The following SMARCD2 variants were observed in gnomAD, a reference collection of about 807,000 sequenced individuals.
SMARCD2 encodes the protein SWI/SNF related BAF chromatin remodeling complex subunit D2.
In SMARCD2, 39 loss-of-function variants were observed where a neutral mutation model predicts 70.4. That is an observed-to-expected ratio of 0.55 (90% confidence interval 0.43 to 0.72). The LOEUF is 0.72. SMARCD2 is among the 30% of genes least tolerant of loss of function. SMARCD2 has a pLI of 0.00. For synonymous variants in SMARCD2, 249 were observed against 279.4 expected, an observed-to-expected ratio of 0.89 and a Z score of 1.08; for missense variants, 540 against 713.4, an observed-to-expected ratio of 0.76 and a Z score of 2.77.
At position 63,832,227 on chromosome 17, in the gene SMARCD2, C is replaced by T; in HGVS notation, c.*711G>A. 2 of 548,960 alleles carry T rather than the reference C, an allele frequency of 3.6e-6. No individual in the cohort carries two copies. Among genetic ancestry groups the T allele is most frequent in the South Asian group, 4.1e-5 (2 of 49,352 alleles). The allele number at this position is 548,960 out of a possible 1,614,324, so 34.0% of individuals were successfully genotyped here. Reference sequence around the variant, plus strand: ...TTCACCTTACCCTGGCCTCCACATGCACATACCCCATACCTCAGGCCATGC... The same window carrying T: ...TTCACCTTACCCTGGCCTCCACATGTACATACCCCATACCTCAGGCCATGC... On this transcript the variant is annotated 3_prime_UTR_variant, in exon 13 of 13. Coordinates refer to ENST00000448276, the MANE Select transcript of SMARCD2 (RefSeq NM_001098426.2).
Position 63,842,510 on chromosome 17 carries a change from C to A in SMARCD2, c.165G>T (p.Gly55=). The A allele has an allele frequency of 8.1e-7, 1 of 1,230,056 alleles. No homozygotes were observed. The highest frequency in any genetic ancestry group is 1.0e-6 in the Non-Finnish European group (1 of 988,656). The allele number at this position is 1,230,056 out of a possible 1,614,324, so 76.2% of individuals were successfully genotyped here. ...GGCCCATGGGGCGGAAGGCGGCGGC[C>A]CCGGGGCCCCCCACGCCTCCTGCCG... ...PGPAGGVGGP[G]AAAFRPMGPA... is the part of the protein sequence containing the mutation. Residue 55 remains glycine, a synonymous_variant, in exon 1 of 13, where the codon GGG becomes GGT. Coordinates refer to ENST00000448276, the MANE Select transcript of SMARCD2 (RefSeq NM_001098426.2).
Position 63,842,556 on chromosome 17 carries a change from G to A in SMARCD2, c.119C>T (p.Pro40Leu), listed in dbSNP as rs1289114980. Residue 40 changes from proline to leucine, a missense_variant, in exon 1 of 13, where the codon CCG becomes CTG. Pro to Leu is a moderately conservative substitution (Grantham distance 98, BLOSUM62 -3). Transcript: ENST00000448276. ...PPAGPGMLPG[P>L]ALRGPGPAGG... ...TGCCGGACCCGGTCCCCGGAGCGCCGGTCCGGGCAGCATGCCGGGTCCCGC... is the reference window on the plus strand; with the variant it reads ...TGCCGGACCCGGTCCCCGGAGCGCCAGTCCGGGCAGCATGCCGGGTCCCGC... 9 of 1,205,138 alleles carry A rather than the reference G, an allele frequency of 7.5e-6. No individual in the cohort carries two copies. Among genetic ancestry groups the A allele is most frequent in the South Asian group, 4.1e-5 (1 of 24,432 alleles). The allele number at this position is 1,205,138 out of a possible 1,614,324, so 74.7% of individuals were successfully genotyped here. A position where few individuals can be genotyped will look rare whatever the true frequency, so the allele number is the denominator to read the frequency against.
At position 63,832,825 on chromosome 17, in the gene SMARCD2, G is replaced by C. The variant is rs1442212211; in HGVS notation, c.*113C>G. ...TTTATAAGACTAAAGCTGGAGAGTA[G>C]AGGGTGACAGCAGACACTCCTCACC... On this transcript the variant is annotated 3_prime_UTR_variant, in exon 13 of 13. Coordinates refer to ENST00000448276, the MANE Select transcript of SMARCD2 (RefSeq NM_001098426.2). 1.2e-6 allele frequency: 1 copy of C among 831,700 alleles called. No homozygotes were observed. The highest frequency in any genetic ancestry group is 2.0e-6 in the Non-Finnish European group (1 of 494,750). 51.5% of individuals were successfully genotyped at this position (831,700 alleles called of 1,614,324 possible). A position where few individuals can be genotyped will look rare whatever the true frequency, so the allele number is the denominator to read the frequency against.
chr17:63,833,964 T>C lies in SMARCD2; in HGVS notation c.1126A>G (p.Lys376Glu). ...GRLRFSEIPM[K>E]LAGLLQHPDP... ...GGATGCTGCAGCAACCCTGCCAGCT[T>C]CATGGGAATCTCGGAGAAACGGAGT... is the stretch of plus-strand genomic sequence containing the variant. The change falls in exon 9 of 13, where the codon AAG (lysine) becomes GAG (glutamate). Residue 376 changes from lysine to glutamate, a missense_variant. Transcript: ENST00000448276. The surrounding 1 kb of genome is among the most constrained non-coding windows in gnomAD (Gnocchi z 4.3). 6.2e-7 allele frequency: 1 copy of C among 1,613,994 alleles called. No individual in the cohort carries two copies.
In SMARCD2 at chr17:63,834,901, C is replaced by T. The variant is rs2665832; in HGVS notation, c.724-101G>A. 532,351 of 825,854 alleles carry T rather than the reference C, an allele frequency of 0.64. 174,836 individuals are homozygous for T. Among genetic ancestry groups the T allele is most frequent in the African/African-American group, 0.9 (53,267 of 59,090 alleles). 51.2% of individuals were successfully genotyped at this position (825,854 alleles called of 1,614,324 possible). A position where few individuals can be genotyped will look rare whatever the true frequency, so the allele number is the denominator to read the frequency against. On this transcript the variant is annotated intron_variant, in intron 5 of 12. Coordinates refer to ENST00000448276, the MANE Select transcript of SMARCD2 (RefSeq NM_001098426.2). The surrounding 1 kb of genome is among the most constrained non-coding windows in gnomAD (Gnocchi z 5.6). ...AAGCCCCATTTCAGCCCTGGAGCTC[C>T]GGATACTGAAGATTCCTGGGCCCTG...
In SMARCD2 at chr17:63,832,557, C is replaced by T. The variant is rs2040205320; in HGVS notation, c.*381G>A. ...AGGCTAGGAAGAGTCTGGGCTGCAC[C>T]TCCTCTTCCTAGCCCAGCTCCCCAG... On this transcript the variant is annotated 3_prime_UTR_variant, in exon 13 of 13. Transcript: ENST00000448276. 3.2e-6 allele frequency: 1 copy of T among 310,466 alleles called. No individual in the cohort carries two copies. The highest frequency in any genetic ancestry group is 2.1e-5 in the African/African-American group (1 of 46,990). The allele number at this position is 310,466 out of a possible 1,614,324, so 19.2% of individuals were successfully genotyped here.
In SMARCD2 at chr17:63,837,661, G is replaced by A; in HGVS notation, c.217-36C>T. ...TGAGCCAACGGGGGTGCATAGGTCA[G>A]GGGCAAGGCCCTCCGGGACCCATAG... On this transcript the variant is annotated intron_variant, in intron 1 of 12. Transcript: ENST00000448276. The surrounding 1 kb of genome is among the most constrained non-coding windows in gnomAD (Gnocchi z 6.4). The A allele has an allele frequency of 6.3e-7, 1 of 1,581,370 alleles. No individual in the cohort carries two copies. Among genetic ancestry groups the A allele is most frequent in the Non-Finnish European group, 8.6e-7 (1 of 1,158,008 alleles).
chr17:63,839,298 G>C (rs1189404850), intron 1 of SMARCD2: 7 of 945,630 alleles, frequency 7.4e-6, no homozygotes. Context: ...GGGCCCTGTG[G>C]TCCCCAGGAA....
chr17:63,833,893 C>A lies in SMARCD2; in HGVS notation c.1181+16G>T. 1 of 1,584,890 alleles carries A rather than the reference C, an allele frequency of 6.3e-7. No individual in the cohort carries two copies. On this transcript the variant is annotated intron_variant, in intron 9 of 12. Coordinates refer to ENST00000448276, the MANE Select transcript of SMARCD2 (RefSeq NM_001098426.2). The surrounding 1 kb of genome is among the most constrained non-coding windows in gnomAD (Gnocchi z 4.3). ...TGCTCTTAGAAGAGCCTTCCTGTCC[C>A]CCTCCTTGCATTTACCTAATGACAT...
intron 5 of SMARCD2, chr17:63,835,155 ACT>A (rs571774513): frequency 4.0e-4 from 216 of 537,302 alleles, no homozygotes; most frequent in African/African-American, 3.8e-3. Flanking sequence ...ACACAATCTC[ACT>A]CTGTCACCCA....
At chr17:63,842,387 C>G in intron 1 of SMARCD2, 72 bp downstream of exon 1, 1 of 1,263,000 alleles carries the variant, frequency 7.9e-7, no homozygotes, top group Non-Finnish European at 1.0e-6. Context: ...TCACTCGAGG[C>G]CCCTTCAGCC....
At chr17:63,839,372 G>GGC (rs1904351589) in intron 1 of SMARCD2, 1 of 258,302 alleles carries the variant, frequency 3.9e-6, no homozygotes, top group Non-Finnish European at 6.1e-6. Context: ...AGGTGCTCCG[G>GGC]TAACAGGAAG....
intron 1 of SMARCD2, among the ~76,000 whole-genome samples, chr17:63,842,009 A>G (rs1904481999): frequency 6.6e-6 from 1 of 152,182 alleles, no homozygotes; most frequent in Non-Finnish European, 1.5e-5. Context: ...CATCTCAGAC[A>G]CGCTAGAGCT....
chr17:63,835,799 C>T (rs960412892), intron 4 of SMARCD2: 2 of 367,950 alleles, frequency 5.4e-6, no homozygotes, highest in Admixed American at 4.7e-5. Flanking sequence ...GCGATCTCAG[C>T]TCACTTGCAA....
chr17:63,838,127 A>C (rs1054041897), intron 1 of SMARCD2, among the ~76,000 whole-genome samples: 16 of 152,164 alleles, frequency 1.1e-4, no homozygotes, highest in Non-Finnish European at 2.9e-5. Flanking sequence ...CAGAGCCCCA[A>C]TCCCCATCCT....
rs2144628288 is a variant in SMARCD2 at position 63,834,601 on chromosome 17, T to C, written c.820-26A>G. The C allele has an allele frequency of 6.3e-7, 1 of 1,583,370 alleles. No individual in the cohort carries two copies. Among genetic ancestry groups the C allele is most frequent in the Non-Finnish European group, 8.7e-7 (1 of 1,155,678 alleles). On this transcript the variant is annotated intron_variant, in intron 6 of 12. Coordinates refer to ENST00000448276, the MANE Select transcript of SMARCD2 (RefSeq NM_001098426.2). The surrounding 1 kb of genome is among the most constrained non-coding windows in gnomAD (Gnocchi z 5.6). ...CTGGCAGGGAGGGAAGCATGGCTTATCACCAAGGGGGTGGGCGTGAACACA... is the reference window on the plus strand; with the variant it reads ...CTGGCAGGGAGGGAAGCATGGCTTACCACCAAGGGGGTGGGCGTGAACACA...
intron 1 of SMARCD2, chr17:63,838,847 A>G: frequency 8.0e-7 from 1 of 1,248,530 alleles, no homozygotes; most frequent in Non-Finnish European, 1.0e-6. Flanking sequence ...CCCCCACCCC[A>G]GCATCATGGA....
At position 63,833,924 on chromosome 17, in the gene SMARCD2, A is replaced by C; in HGVS notation, c.1166T>G (p.Ile389Ser). The C allele has an allele frequency of 6.2e-7, 1 of 1,612,200 alleles. No homozygotes were observed. Among genetic ancestry groups the C allele is most frequent in the Non-Finnish European group, 8.5e-7 (1 of 1,178,218 alleles). ...TTGCATTTACCTAATGACATGGTTGATGACAATGGGGTCTGGATGCTGCAG... is the reference window on the plus strand; with the variant it reads ...TTGCATTTACCTAATGACATGGTTGCTGACAATGGGGTCTGGATGCTGCAG... ...GLLQHPDPIV[I>S]NHVISVDPND... The change falls in exon 9 of 13, where the codon ATC becomes AGC. Residue 389 changes from isoleucine (I) to serine (S), a missense_variant. Physicochemically the swap from Ile to Ser is moderately radical, Grantham distance 142. Coordinates refer to ENST00000448276, the MANE Select transcript of SMARCD2 (RefSeq NM_001098426.2). The surrounding 1 kb of genome is among the most constrained non-coding windows in gnomAD (Gnocchi z 4.3).
chr17:63,832,866 G>A lies in SMARCD2; in HGVS notation c.*72C>T, dbSNP rs142746247. 477 of 1,350,800 alleles carry A rather than the reference G, an allele frequency of 3.5e-4. 2 individuals carry two copies. The highest frequency in any genetic ancestry group is 2.9e-3 in the South Asian group (230 of 80,064). The allele number at this position is 1,350,800 out of a possible 1,614,324, so 83.7% of individuals were successfully genotyped here. On this transcript the variant is annotated 3_prime_UTR_variant, in exon 13 of 13. Transcript: ENST00000448276. ...ACTCCTCACCCCAGCCTACGTGTCT[G>A]CGGCCCCAGCAAGGACCCAGAGGGT...
Sources: allele counts gnomAD v4.1 joint callset (sites outside exome capture counted in the v4.1 genomes callset), GRCh38; gene constraint gnomAD v4.1.1; non-coding constraint Gnocchi (gnomAD v3.1); transcripts MANE v1.5; gene names NCBI Gene and HGNC (gene_info 2026-07-23, HGNC 2026-07-21).